DTNA: variants seen among roughly 807,000 people sequenced by gnomAD.
The protein encoded by DTNA is dystrobrevin alpha.
Under a neutral mutation model 100.7 loss-of-function variants are expected in DTNA, and 43 were observed. The ratio of observed to expected loss-of-function variants is 0.43; its 90% CI spans 0.33 to 0.55. DTNA has a LOEUF of 0.55. DTNA is among the 20% of genes least tolerant of loss of function. The probability of loss-of-function intolerance (pLI) is 0.04; values close to 1 mark genes in which losing one functional copy is unlikely to be tolerated. For missense variants in DTNA, 798 were observed against 953.9 expected (o/e 0.84, Z 2.15); for synonymous variants, 349 against 347.9 (o/e 1.00, Z -0.04).
chr18:34,751,775 T>C (rs567160635), intron 1 of DTNA, among the ~76,000 whole-genome samples: 2 of 152,340 alleles, frequency 1.3e-5, no homozygotes, highest in African/African-American at 4.8e-5. Context: ...TTATGGTACA[T>C]ATTACTCCAA....
At chr18:34,851,010 A>C (rs1341463602) in intron 14 of DTNA, among the ~76,000 whole-genome samples, 1 of 152,238 alleles carries the variant, frequency 6.6e-6, no homozygotes. Context: ...ATCTAAAATT[A>C]CATGTGTGAA....
chr18:34,827,218 G>A (rs1413456426), intron 9 of DTNA, among the ~76,000 whole-genome samples: 1 of 152,156 alleles, frequency 6.6e-6, no homozygotes, highest in Non-Finnish European at 1.5e-5. Context: ...CTTTCCAAGA[G>A]AATATAGATT....
intron 3 of DTNA, among the ~76,000 whole-genome samples, chr18:34,789,097 T>C (rs2094609743): frequency 6.6e-6 from 1 of 152,222 alleles, no homozygotes; most frequent in Non-Finnish European, 1.5e-5. Flanking sequence ...TTGCAGTTAT[T>C]TCCAGAGCCA....
chr18:34,626,197 CTAA>C (rs1158911917), intron 1 of DTNA, among the ~76,000 whole-genome samples: 3 of 152,150 alleles, frequency 2.0e-5, no homozygotes, highest in South Asian at 2.1e-4. Context: ...ATACAGAGAA[CTAA>C]TGAGTGTGTA....
In DTNA at chr18:34,726,919, T is replaced by C. The variant is rs1191020481; in HGVS notation, c.-2+16474T>C. 3.3e-5 allele frequency among the ~76,000 whole-genome samples: 5 copies of C among 152,208 alleles called. No individual in the cohort carries two copies. The East Asian group carries it at 9.6e-4, about 29-fold the overall frequency. ...TTAGCACTGCCCTAGGAAAGTATCT[T>C]TGTGGAGGCTCCACCCTGCGGCAAG... On this transcript the variant is annotated intron_variant, in intron 1 of 22. Transcript: ENST00000444659.
At chr18:34,556,384 T>G (rs1568647523) in intron 1 of DTNA, among the ~76,000 whole-genome samples, 2 of 152,148 alleles carry the variant, frequency 1.3e-5, no homozygotes, top group South Asian at 4.2e-4. Flanking sequence ...AAAGTTAATA[T>G]TGTTATGTGT....
At chr18:34,496,260 C>A (rs1342497116) in intron 1 of DTNA, among the ~76,000 whole-genome samples, 4 of 137,852 alleles carry the variant, frequency 2.9e-5, no homozygotes. Context: ...ATTATGGCTA[C>A]ATCTTTATTT....
At chr18:34,713,094 A>AT (rs942301050) in intron 1 of DTNA, among the ~76,000 whole-genome samples, 2,251 of 150,212 alleles carry the variant, frequency 0.015, 60 homozygotes, top group African/African-American at 0.052. Flanking sequence ...AAAGAATTGG[A>AT]TTTTTTTTTT....
chr18:34,872,848 G>T (rs181035894), intron 17 of DTNA, among the ~76,000 whole-genome samples: 7 of 152,208 alleles, frequency 4.6e-5, no homozygotes, highest in Non-Finnish European at 8.8e-5. Context: ...AGATGGAAGC[G>T]TATGATGGCT....
intron 1 of DTNA, among the ~76,000 whole-genome samples, chr18:34,634,194 C>T (rs1413517738): frequency 6.6e-6 from 1 of 152,148 alleles, no homozygotes; most frequent in Non-Finnish European, 1.5e-5. Flanking sequence ...AGCATTTACT[C>T]CTTTGCCCAA....
chr18:34,878,129 C>T (rs371970976), intron 19 of DTNA, among the ~76,000 whole-genome samples: 12 of 152,036 alleles, frequency 7.9e-5, no homozygotes, highest in African/African-American at 2.7e-4. Context: ...CATGCCAGCA[C>T]GCCTGGCTAA....
intron 1 of DTNA, among the ~76,000 whole-genome samples, chr18:34,698,005 A>C (rs2080824285): frequency 6.6e-6 from 1 of 152,200 alleles, no homozygotes; most frequent in African/African-American, 2.4e-5. Flanking sequence ...TCCTTGATTC[A>C]TCATTCCCTT....
chr18:34,690,480 C>T lies in DTNA; in HGVS notation c.-1-65496C>T, dbSNP rs138921928. ...GGGCTATACCCACTGTCTAACCAGTCCCATTGAGATGAACTGGGTACCTCA... is the reference window on the plus strand; with the variant it reads ...GGGCTATACCCACTGTCTAACCAGTTCCATTGAGATGAACTGGGTACCTCA... On this transcript the variant is annotated intron_variant, in intron 1 of 19. Transcript: ENST00000283365. Among the ~76,000 whole-genome samples, 1,245 of 152,262 alleles carry T rather than the reference C, an allele frequency of 8.2e-3. 11 individuals carry two copies. The highest frequency in any genetic ancestry group is 0.028 in the African/African-American group (1,167 of 41,546).
intron 1 of DTNA, among the ~76,000 whole-genome samples, chr18:34,686,758 C>T (rs555196047): frequency 6.6e-6 from 1 of 152,088 alleles, no homozygotes; most frequent in South Asian, 2.1e-4. Flanking sequence ...GCTATGAATC[C>T]GTCTAGTCCT....
intron 1 of DTNA, among the ~76,000 whole-genome samples, chr18:34,510,041 C>T (rs2040880017): frequency 6.8e-6 from 1 of 146,744 alleles, no homozygotes; most frequent in Non-Finnish European, 1.5e-5. Flanking sequence ...AAAAATAGTC[C>T]TGTGGTTTCA....
chr18:34,740,084 A>T (rs2090346790), intron 1 of DTNA, among the ~76,000 whole-genome samples: 1 of 152,178 alleles, frequency 6.6e-6, no homozygotes, highest in African/African-American at 2.4e-5. Flanking sequence ...GTATATATTC[A>T]TCACATATAA....
At chr18:34,857,969 G>A (rs1479503628) in intron 15 of DTNA, among the ~76,000 whole-genome samples, 3 of 152,156 alleles carry the variant, frequency 2.0e-5, no homozygotes, top group African/African-American at 7.2e-5. Flanking sequence ...TACCTTACTT[G>A]CTAGTAGTAA....
At chr18:34,703,125 T>G (rs1452638026) in intron 1 of DTNA, among the ~76,000 whole-genome samples, 7 of 152,308 alleles carry the variant, frequency 4.6e-5, no homozygotes, top group Non-Finnish European at 1.0e-4. Context: ...ACCGCAGGAT[T>G]GAATGTGGAT....
chr18:34,717,768 T>A (rs972033020), intron 1 of DTNA, among the ~76,000 whole-genome samples: 3 of 151,864 alleles, frequency 2.0e-5, no homozygotes, highest in Non-Finnish European at 2.9e-5. Context: ...CTTAAAGAAA[T>A]GGCCAGTGTT....
Sources: allele counts gnomAD v4.1 joint callset (sites outside exome capture counted in the v4.1 genomes callset), GRCh38; gene constraint gnomAD v4.1.1; transcripts MANE v1.5; gene names NCBI Gene and HGNC (gene_info 2026-07-23, HGNC 2026-07-21).